The following CSMD1 variants were observed in gnomAD, a reference collection of about 807,000 sequenced individuals.
CSMD1 encodes CUB and Sushi multiple domains 1.
CSMD1 carries 213 observed loss-of-function variants against 417.5 expected under a neutral mutation model. The observed-to-expected ratio is 0.51, with a 90% CI of 0.46 to 0.57. The LOEUF is 0.57. Among genes scored for constraint, CSMD1 ranks in the 20% least tolerant of loss-of-function variants. The probability of loss-of-function intolerance (pLI) is 0.00; values close to 1 mark genes in which losing one functional copy is unlikely to be tolerated. For synonymous variants in CSMD1, 2,862 were observed against 1,736.8 expected, an observed-to-expected ratio of 1.65 and a Z score of -16.11; for missense variants, 6,923 against 4,529.7, an observed-to-expected ratio of 1.53 and a Z score of -15.17.
At chr8:4,850,867 T>C (rs185171404) in intron 1 of CSMD1, among the ~76,000 whole-genome samples, 1 of 152,294 alleles carries the variant, frequency 6.6e-6, no homozygotes, top group Non-Finnish European at 1.5e-5. Flanking sequence ...TTAGTCCTCA[T>C]GTCACATGAA....
chr8:4,525,300 G>A (rs1796458225), intron 2 of CSMD1, among the ~76,000 whole-genome samples: 1 of 152,140 alleles, frequency 6.6e-6, no homozygotes, highest in South Asian at 2.1e-4. Context: ...TCTGTAGGTA[G>A]CTATGTGGCC....
intron 3 of CSMD1, among the ~76,000 whole-genome samples, chr8:4,252,330 T>C (rs1159561774): frequency 6.6e-6 from 1 of 152,186 alleles, no homozygotes; most frequent in Non-Finnish European, 1.5e-5. Flanking sequence ...ATCTCTACAA[T>C]GAAGAATATG....
At chr8:3,734,413 T>TA (rs1303701355) in intron 6 of CSMD1, among the ~76,000 whole-genome samples, 1 of 152,206 alleles carries the variant, frequency 6.6e-6, no homozygotes, top group African/African-American at 2.4e-5. Context: ...CTGCTCAATT[T>TA]AAAATACAGA....
chr8:3,563,384 A>C (rs1487476125), intron 10 of CSMD1, among the ~76,000 whole-genome samples: 1 of 150,892 alleles, frequency 6.6e-6, no homozygotes, highest in Non-Finnish European at 1.5e-5. Context: ...AAATACTAAA[A>C]ATGAGAAAAA....
chr8:3,496,581 A>C (rs1201061213), intron 10 of CSMD1, among the ~76,000 whole-genome samples: 1 of 152,088 alleles, frequency 6.6e-6, no homozygotes, highest in Non-Finnish European at 1.5e-5. Context: ...ATTTCCCAGC[A>C]CTTTGGGAGG....
At chr8:4,826,390 G>A (rs144541682) in intron 1 of CSMD1, among the ~76,000 whole-genome samples, 1 of 152,106 alleles carries the variant, frequency 6.6e-6, no homozygotes, top group Non-Finnish European at 1.5e-5. Flanking sequence ...TCCTGCATAT[G>A]CAACAGCATG....
intron 5 of CSMD1, among the ~76,000 whole-genome samples, chr8:3,865,661 C>A (rs796630124): frequency 6.6e-6 from 1 of 152,110 alleles, no homozygotes; most frequent in Non-Finnish European, 1.5e-5. Flanking sequence ...TTCCATCAGT[C>A]CTGTTAAGTA....
rs1050164985 is a variant in CSMD1, at chr8:4,543,029, A to G, written c.302+94313T>C. Among the ~76,000 whole-genome samples, 5 of 152,210 alleles carry G rather than the reference A, an allele frequency of 3.3e-5. 1 individual carries two copies. Among genetic ancestry groups the G allele is most frequent in the African/African-American group, 1.2e-4 (5 of 41,450 alleles). On this transcript the variant is annotated intron_variant, in intron 2 of 69. Transcript: ENST00000635120. Reference sequence around the variant, plus strand: ...TTTAGAGTAGGTTTAAGGTGATGGTAAAATGTAGCAGAAATAAGATTTCAT... The same window carrying G: ...TTTAGAGTAGGTTTAAGGTGATGGTGAAATGTAGCAGAAATAAGATTTCAT...
chr8:4,295,397 A>G (rs1439805743), intron 3 of CSMD1, among the ~76,000 whole-genome samples: 3 of 144,776 alleles, frequency 2.1e-5, no homozygotes, highest in African/African-American at 7.4e-5. Context: ...TATAATCTTA[A>G]GATTATATAA....
intron 5 of CSMD1, among the ~76,000 whole-genome samples, chr8:3,775,798 C>T (rs1405417635): frequency 6.6e-6 from 1 of 152,216 alleles, no homozygotes; most frequent in African/African-American, 2.4e-5. Context: ...TTGCTGGGTG[C>T]TGATGTCATC....
chr8:4,852,247 C>A (rs1017420858), intron 1 of CSMD1, among the ~76,000 whole-genome samples: 2 of 152,146 alleles, frequency 1.3e-5, no homozygotes, highest in East Asian at 3.9e-4. Context: ...GAAATGTAAT[C>A]CCTAGTTTTG....
intron 12 of CSMD1, among the ~76,000 whole-genome samples, chr8:3,448,976 T>C (rs955442253): frequency 9.9e-5 from 15 of 152,158 alleles, no homozygotes; most frequent in Non-Finnish European, 2.2e-4. Context: ...TCGCAATGGA[T>C]GTAAACAATC....
chr8:3,520,975 T>C (rs10107124), intron 10 of CSMD1, among the ~76,000 whole-genome samples: 22,243 of 152,108 alleles, frequency 0.15, 1,785 homozygotes, highest in Admixed American at 0.22. Context: ...TGGAAAACCA[T>C]GTGCCCATCA....
chr8:2,965,646 T>C (rs1803890036), intron 59 of CSMD1, 129 bp downstream of exon 59: 1 of 690,022 alleles, frequency 1.4e-6, no homozygotes, highest in East Asian at 2.7e-5. Flanking sequence ...GACTTAATAG[T>C]TGCAAATTGC....
chr8:4,286,686 A>C (rs1563391440), intron 3 of CSMD1, among the ~76,000 whole-genome samples: 1 of 152,212 alleles, frequency 6.6e-6, no homozygotes, highest in Non-Finnish European at 1.5e-5. Flanking sequence ...GTAGGGCCAC[A>C]GTGGAAATCA....
At chr8:3,348,305 A>C (rs760021427) in intron 21 of CSMD1, 144 bp from the exon 22 acceptor site, 1 of 557,546 alleles carries the variant, frequency 1.8e-6, no homozygotes, top group Non-Finnish European at 3.0e-6. Context: ...TAGATCAGTG[A>C]TTTTTTTTTA....
chr8:4,738,000 C>T (rs187348183), intron 1 of CSMD1, among the ~76,000 whole-genome samples: 1 of 152,242 alleles, frequency 6.6e-6, no homozygotes, highest in African/African-American at 2.4e-5. Flanking sequence ...ATAGCATATC[C>T]TTTCTCCACA....
At chr8:4,060,264 C>T (rs1459964266) in intron 3 of CSMD1, among the ~76,000 whole-genome samples, 1 of 152,024 alleles carries the variant, frequency 6.6e-6, no homozygotes, top group Non-Finnish European at 1.5e-5. Flanking sequence ...TAAAAACTCT[C>T]AATAAATTAG....
chr8:4,390,075 C>G (rs1803739715), intron 3 of CSMD1, among the ~76,000 whole-genome samples: 1 of 152,128 alleles, frequency 6.6e-6, no homozygotes, highest in Admixed American at 6.5e-5. Context: ...TGAGAATTAC[C>G]ACTTCTATGC....
Sources: allele counts gnomAD v4.1 joint callset (sites outside exome capture counted in the v4.1 genomes callset), GRCh38; gene constraint gnomAD v4.1.1; transcripts MANE v1.5; gene names NCBI Gene and HGNC (gene_info 2026-07-23, HGNC 2026-07-21).